The following TPCN1 variants were observed in gnomAD, a reference collection of about 807,000 sequenced individuals.
TPCN1 encodes two pore segment channel 1, also known as two pore channel protein 1.
A neutral mutation model predicts 108.8 loss-of-function variants in TPCN1; 52 were observed. That is an observed-to-expected ratio of 0.48 (90% CI 0.38 to 0.60). TPCN1 has a LOEUF of 0.60. TPCN1 is among the 20% of genes least tolerant of loss of function. TPCN1 has a pLI of 0.00. For synonymous variants in TPCN1, 446 were observed against 433.7 expected, an observed-to-expected ratio of 1.03 and a Z score of -0.35; for missense variants, 806 against 1,072.8, an observed-to-expected ratio of 0.75 and a Z score of 3.47.
chr12:113,234,292 A>G (rs777279963), intron 2 of TPCN1, among the ~76,000 whole-genome samples: 1 of 152,152 alleles, frequency 6.6e-6, no homozygotes, highest in Non-Finnish European at 1.5e-5. Context: ...TTTTTCCATC[A>G]TGGTGGTTAG....
At chr12:113,270,392 C>G (rs1319670173) in intron 7 of TPCN1, among the ~76,000 whole-genome samples, 5 of 152,086 alleles carry the variant, frequency 3.3e-5, no homozygotes. Context: ...GGGCCTATTT[C>G]CTGATCCATA....
rs576922024 is a variant in TPCN1 at position 113,250,214 on chromosome 12, C to T, written c.113-10154C>T. ...GGAAGTGTTTGTGGAAGGCTTTTGG[C>T]GCCAGCAGGATCTAGGCAGCTGGGC... On this transcript the variant is annotated intron_variant, in intron 2 of 27. Coordinates refer to ENST00000335509, the MANE Select transcript of TPCN1 (RefSeq NM_017901.6). Among the ~76,000 whole-genome samples the T allele has an allele frequency of 4.9e-4, 74 of 152,310 alleles. 1 individual carries two copies. The highest frequency in any genetic ancestry group is 3.2e-3 in the Admixed American group (49 of 15,300).
At chr12:113,230,697 C>T (rs1434913853) in intron 2 of TPCN1, among the ~76,000 whole-genome samples, 2 of 152,234 alleles carry the variant, frequency 1.3e-5, no homozygotes, top group African/African-American at 4.8e-5. Context: ...CTCGAGTGAT[C>T]TATCCGCCTT....
intron 2 of TPCN1, among the ~76,000 whole-genome samples, chr12:113,239,453 A>T (rs1954019876): frequency 6.6e-6 from 1 of 152,170 alleles, no homozygotes; most frequent in South Asian, 2.1e-4. Flanking sequence ...TGGTAGTACA[A>T]GTTTTGCAAA....
intron 2 of TPCN1, among the ~76,000 whole-genome samples, chr12:113,258,178 T>A (rs781521514): frequency 6.4e-4 from 98 of 152,226 alleles, no homozygotes; most frequent in Non-Finnish European, 1.3e-3. Flanking sequence ...TAAAAATGGG[T>A]AGGGTTGGCC....
At chr12:113,227,818 T>C (rs1953529215) in intron 2 of TPCN1, among the ~76,000 whole-genome samples, 1 of 152,172 alleles carries the variant, frequency 6.6e-6, no homozygotes, top group Non-Finnish European at 1.5e-5. Context: ...CCGTCTCATT[T>C]GTCCAGGGAG....
intron 2 of TPCN1, among the ~76,000 whole-genome samples, chr12:113,255,614 C>T (rs947807529): frequency 6.6e-6 from 1 of 152,136 alleles, no homozygotes; most frequent in African/African-American, 2.4e-5. Context: ...CAACCTCCAC[C>T]TCCTGGGCTC....
chr12:113,254,402 C>T (rs1022953995), intron 2 of TPCN1, among the ~76,000 whole-genome samples: 25 of 152,124 alleles, frequency 1.6e-4, no homozygotes, highest in African/African-American at 5.1e-4. Flanking sequence ...ACATTCTACA[C>T]GGATGTAGAT....
chr12:113,294,783 C>T (rs916609965), intron 27 of TPCN1, among the ~76,000 whole-genome samples: 3 of 152,168 alleles, frequency 2.0e-5, no homozygotes, highest in African/African-American at 7.2e-5. Context: ...AGCCCATGAG[C>T]CCTGCAGAGT....
intron 2 of TPCN1, chr12:113,246,102 G>A (rs1954371790): frequency 2.2e-6 from 1 of 450,410 alleles, no homozygotes. Context: ...GCACCGGGAT[G>A]TCTCTCCTGC....
At chr12:113,279,826 C>CAGTT in intron 14 of TPCN1, among the ~76,000 whole-genome samples, 1 of 152,266 alleles carries the variant, frequency 6.6e-6, no homozygotes, top group African/African-American at 2.4e-5. Context: ...ATTTACCTGA[C>CAGTT]AGTTGCCCCT....
In TPCN1 at chr12:113,232,336, C is replaced by T. The variant is rs532540678; in HGVS notation, c.112+5372C>T. Among the ~76,000 whole-genome samples the T allele has an allele frequency of 1.4e-3, 220 of 152,368 alleles. No homozygotes were observed. The highest frequency in any genetic ancestry group is 3.4e-3 in the Middle Eastern group (1 of 294). On this transcript the variant is annotated intron_variant, in intron 2 of 27. Transcript: ENST00000335509. The surrounding 1 kb of genome is among the most constrained non-coding windows in gnomAD (Gnocchi z 5.6). The stretch of plus-strand genomic sequence containing the variant: ...AGGGGCCCCCATGTGGCACCCTGGT[C>T]CCCTTTTCAGGGTCTTCATGCAGCC...
intron 27 of TPCN1, among the ~76,000 whole-genome samples, chr12:113,295,286 T>TA (rs1336497382): frequency 1.3e-5 from 2 of 151,824 alleles, no homozygotes; most frequent in African/African-American, 4.8e-5. Flanking sequence ...TTCAGTCTTT[T>TA]AAAAAGTAGG....
At chr12:113,286,709 C>T (rs61072681) in intron 18 of TPCN1, among the ~76,000 whole-genome samples, 5,357 of 152,270 alleles carry the variant, frequency 0.035, 178 homozygotes, top group East Asian at 0.11. Context: ...TCCTTCTTGT[C>T]GTTAGACCAG....
At chr12:113,280,066 C>A in intron 14 of TPCN1, 85 bp from the exon 15 acceptor site, 2 of 1,113,434 alleles carry the variant, frequency 1.8e-6, no homozygotes, top group South Asian at 1.3e-5. Flanking sequence ...TTGCACCTGC[C>A]CAGAAAGAGA....
chr12:113,297,241 G>A lies in TPCN1; in HGVS notation c.*1165G>A, dbSNP rs1418957890. 6.5e-6 allele frequency: 1 copy of A among 152,964 alleles called. No individual in the cohort carries two copies. Among genetic ancestry groups the A allele is most frequent in the Non-Finnish European group, 1.5e-5 (1 of 68,192 alleles). 9.5% of individuals were successfully genotyped at this position (152,964 alleles called of 1,614,324 possible). ...AGGTAGGAGGGTTGCCAGCTGCAGT[G>A]ACCCTGCCACAGAGGCAGGGTCAGT... On this transcript the variant is annotated 3_prime_UTR_variant, in exon 28 of 28. Coordinates refer to ENST00000335509, the MANE Select transcript of TPCN1 (RefSeq NM_017901.6). The surrounding 1 kb of genome is among the most constrained non-coding windows in gnomAD (Gnocchi z 4.4).
intron 4 of TPCN1, 63 bp from the exon 5 acceptor site, chr12:113,267,780 G>A (rs1187141803): frequency 8.7e-7 from 1 of 1,155,346 alleles, no homozygotes; most frequent in East Asian, 2.3e-5. Context: ...GGGAGGGTTG[G>A]GCAAAGAGGA....
At chr12:113,270,634 C>T (rs1231455834) in intron 7 of TPCN1, among the ~76,000 whole-genome samples, 1 of 152,140 alleles carries the variant, frequency 6.6e-6, no homozygotes, top group African/African-American at 2.4e-5. Context: ...GCACCCACCA[C>T]CACACCCAGC....
intron 2 of TPCN1, among the ~76,000 whole-genome samples, chr12:113,239,512 A>G (rs141444750): frequency 3.0e-3 from 454 of 152,372 alleles, no homozygotes; most frequent in African/African-American, 0.01. Flanking sequence ...AATAATAGAC[A>G]TAATAGAAGT....
Sources: gnomAD v4.1 joint callset for allele counts (sites outside exome capture counted in the v4.1 genomes callset) on GRCh38, gnomAD v4.1.1 for gene constraint, Gnocchi (gnomAD v3.1) non-coding constraint, MANE v1.5 for transcripts, NCBI Gene and HGNC (gene_info 2026-07-23, HGNC 2026-07-21) for gene names.